Variants in BRF1 observed in about 807,000 individuals in gnomAD.
BRF1 encodes BRF1 general transcription factor IIIB subunit, also known as transcription factor IIIB 90 kDa subunit.
A neutral mutation model predicts 81.7 loss-of-function variants in BRF1; 59 were observed. The ratio of observed to expected loss-of-function variants is 0.72; its 90% confidence interval spans 0.59 to 0.90. BRF1 has a LOEUF of 0.90. BRF1 is among the 40% of genes least tolerant of loss of function. The pLI is 0.00. For synonymous variants in BRF1, 491 were observed against 395.6 expected, an observed-to-expected ratio of 1.24 and a Z score of -2.86; for missense variants, 1,050 against 936.3, an observed-to-expected ratio of 1.12 and a Z score of -1.58.
intron 1 of BRF1, among the ~76,000 whole-genome samples, chr14:105,297,388 G>A (rs996319726): frequency 6.6e-6 from 1 of 151,888 alleles, no homozygotes; most frequent in African/African-American, 2.4e-5. Context: ...CCAATGTGGT[G>A]AAACCCCGTC....
chr14:105,274,354 C>T (rs1402036235), intron 2 of BRF1, among the ~76,000 whole-genome samples: 3 of 152,162 alleles, frequency 2.0e-5, no homozygotes, highest in Admixed American at 1.3e-4. Context: ...ATGCTGAGTG[C>T]CGGTCCCCTG....
chr14:105,220,134 G>C lies in BRF1; in HGVS notation c.1316-4C>G, dbSNP rs781281299. 22 of 1,613,282 alleles carry C rather than the reference G, an allele frequency of 1.4e-5. No individual in the cohort carries two copies. The Admixed American group carries it at 2.3e-4, about 17-fold the overall frequency. ...TCACCGTCTCCTGAAGCATCTTCTG[G>C]AGGGAAGCACAGCATCCGCGTCACT... On this transcript the variant is annotated splice_region_variant and splice_polypyrimidine_tract_variant and intron_variant, in intron 11 of 17. Transcript: ENST00000547530.
At chr14:105,293,390 G>A (rs1402476840) in intron 1 of BRF1, among the ~76,000 whole-genome samples, 2 of 152,218 alleles carry the variant, frequency 1.3e-5, no homozygotes, top group African/African-American at 4.8e-5. Context: ...TGAAGCCACT[G>A]AAAGTTGTGA....
At chr14:105,279,285 G>A (rs2140436107) in intron 2 of BRF1, among the ~76,000 whole-genome samples, 1 of 152,270 alleles carries the variant, frequency 6.6e-6, no homozygotes, top group South Asian at 2.1e-4. Flanking sequence ...ACAGACGTGG[G>A]AGGAGGATTC....
At chr14:105,280,630 T>C (rs1259048885) in intron 2 of BRF1, among the ~76,000 whole-genome samples, 2 of 142,536 alleles carry the variant, frequency 1.4e-5, no homozygotes, top group East Asian at 2.2e-4. Flanking sequence ...GTGGAGGCTG[T>C]GTGATCCTGA....
intron 12 of BRF1, chr14:105,219,464 C>A: frequency 1.2e-6 from 1 of 866,698 alleles, no homozygotes; most frequent in Non-Finnish European, 1.7e-6. Flanking sequence ...GTGAGACCCC[C>A]TAGGGCAGCT....
At chr14:105,261,507 T>C (rs774425134) in intron 3 of BRF1, among the ~76,000 whole-genome samples, 8 of 152,198 alleles carry the variant, frequency 5.3e-5, no homozygotes, top group Non-Finnish European at 1.2e-4. Flanking sequence ...CCTGGCTGGC[T>C]GCACGATGCT....
chr14:105,210,061 T>A lies in BRF1; in HGVS notation c.*490A>T. ...AGCTCCCACGGCTGCGCCGGACACC[T>A]GCAGGGCTCTGGCTTCCACTCTGGC... On this transcript the variant is annotated 3_prime_UTR_variant, in exon 18 of 18. Coordinates refer to ENST00000547530, the MANE Select transcript of BRF1 (RefSeq NM_001519.4). The surrounding 1 kb of genome is among the most constrained non-coding windows in gnomAD (Gnocchi z 4.7). 1 of 218,934 alleles carries A rather than the reference T, an allele frequency of 4.6e-6. No individual in the cohort carries two copies. The allele number at this position is 218,934 out of a possible 1,614,324, so 13.6% of individuals were successfully genotyped here.
At chr14:105,215,924 GCACACACACACTGCATACACAGA>G (rs1891163742) in intron 15 of BRF1, among the ~76,000 whole-genome samples, 1 of 92,046 alleles carries the variant, frequency 1.1e-5, no homozygotes, top group Non-Finnish European at 2.1e-5. Context: ...ACGCAGACAG[GCACACACACACTGCATACACAGA>G]CACAGGCACA....
At chr14:105,286,541 G>A (rs1212335248) in intron 1 of BRF1, among the ~76,000 whole-genome samples, 165 bp from the exon 2 acceptor site, 1 of 152,214 alleles carries the variant, frequency 6.6e-6, no homozygotes, top group Non-Finnish European at 1.5e-5. Context: ...AGGAACCCCA[G>A]TGGGGGAAGC....
chr14:105,315,019 G>A lies in BRF1; in HGVS notation c.-162+303C>T. On this transcript the variant is annotated intron_variant, in intron 1 of 17. Coordinates refer to the BRF1 transcript ENST00000327359. The surrounding 1 kb of genome is among the most constrained non-coding windows in gnomAD (Gnocchi z 4.4). Reference sequence around the variant, plus strand: ...GCCACCTGGGAGGTGGACGGCTCCAGCCCCAGCTGCGTGCCCAGGTACGCG... The same window carrying A: ...GCCACCTGGGAGGTGGACGGCTCCAACCCCAGCTGCGTGCCCAGGTACGCG... The A allele has an allele frequency of 2.4e-6, 3 of 1,226,126 alleles. No homozygotes were observed. The highest frequency in any genetic ancestry group is 1.8e-5 in the South Asian group (1 of 54,882). The allele number at this position is 1,226,126 out of a possible 1,614,324, so 76.0% of individuals were successfully genotyped here.
chr14:105,249,552 C>G, intron 5 of BRF1: 1 of 1,592,930 alleles, frequency 6.3e-7, no homozygotes, highest in Middle Eastern at 1.7e-4. Flanking sequence ...AAGGGAAGCA[C>G]ACAGGAGCTG....
At chr14:105,265,746 A>C (rs930674458) in intron 3 of BRF1, among the ~76,000 whole-genome samples, 4 of 151,982 alleles carry the variant, frequency 2.6e-5, no homozygotes, top group African/African-American at 9.7e-5. Context: ...AAATTCAAAA[A>C]CAAAATTAGC....
intron 4 of BRF1, among the ~76,000 whole-genome samples, chr14:105,254,117 C>A (rs1008629): frequency 0.036 from 5,408 of 152,244 alleles, 174 homozygotes; most frequent in African/African-American, 0.085. Flanking sequence ...ACCTCAAACT[C>A]CACACCCCCC....
chr14:105,241,189 C>CCAG, intron 6 of BRF1, 76 bp downstream of exon 6: 1 of 1,575,616 alleles, frequency 6.3e-7, no homozygotes, highest in South Asian at 1.1e-5. Flanking sequence ...GCCCAGCCCA[C>CCAG]CAGCACTCAG....
chr14:105,249,513 C>T, intron 5 of BRF1: 1 of 1,609,242 alleles, frequency 6.2e-7, no homozygotes, highest in Non-Finnish European at 8.5e-7. Context: ...ACGGGTGGGT[C>T]CGTTTTAGGC....
At chr14:105,249,942 C>T in intron 5 of BRF1, 1 of 1,611,858 alleles carries the variant, frequency 6.2e-7, no homozygotes, top group East Asian at 2.2e-5. Flanking sequence ...GCCCTCAACA[C>T]CAAAGAGGCG....
chr14:105,225,122 C>T (rs776526570), intron 10 of BRF1, among the ~76,000 whole-genome samples: 1 of 152,142 alleles, frequency 6.6e-6, no homozygotes, highest in Non-Finnish European at 1.5e-5. Flanking sequence ...ACTGTTGGCT[C>T]TGCCCCAAAA....
chr14:105,261,823 G>A (rs1222748601), intron 3 of BRF1, among the ~76,000 whole-genome samples: 1 of 152,214 alleles, frequency 6.6e-6, no homozygotes, highest in Non-Finnish European at 1.5e-5. Context: ...GGACTGCGGC[G>A]CCCACACGGC....
Sources: gnomAD v4.1 joint callset for allele counts (sites outside exome capture counted in the v4.1 genomes callset) on GRCh38, gnomAD v4.1.1 for gene constraint, Gnocchi (gnomAD v3.1) non-coding constraint, MANE v1.5 for transcripts, NCBI Gene and HGNC (gene_info 2026-07-23, HGNC 2026-07-21) for gene names.